TTC6: variants seen among roughly 807,000 people sequenced by gnomAD.
TTC6 encodes the protein tetratricopeptide repeat domain 6, also known as tetratricopeptide repeat protein 6.
In TTC6, 172 loss-of-function variants were observed where a neutral mutation model predicts 210.4. The ratio of observed to expected loss-of-function variants is 0.82; its 90% confidence interval spans 0.72 to 0.93. TTC6 has a LOEUF of 0.93. Ranked by LOEUF, TTC6 falls within the 40% of genes least tolerant of loss-of-function variation. The pLI is 0.00. For missense variants in TTC6, 2,414 were observed against 2,318.1 expected (o/e 1.04, Z -0.85); for synonymous variants, 804 against 819.6 (o/e 0.98, Z 0.32).
chr14:37,833,662 A>G (rs959563868), intron 29 of TTC6, among the ~76,000 whole-genome samples: 1 of 151,948 alleles, frequency 6.6e-6, no homozygotes, highest in African/African-American at 2.4e-5. Flanking sequence ...ATTGTTTTCT[A>G]TATTTGTTCC....
exon 31 of TTC6, chr14:37,842,157 C>G: frequency 6.5e-7 from 1 of 1,543,252 alleles, no homozygotes; most frequent in African/African-American, 1.4e-5. Flanking sequence ...TTTTGCAGCC[C>G]TGTCTTTGAA....
chr14:37,796,351 A>G, exon 19 of TTC6: 1 of 1,229,384 alleles, frequency 8.1e-7, no homozygotes, highest in Non-Finnish European at 1.2e-6. Context: ...CTATTTATCA[A>G]ATAGCAGAAA....
chr14:37,666,933 A>C (rs2095749341), intron 1 of TTC6, among the ~76,000 whole-genome samples: 1 of 150,502 alleles, frequency 6.6e-6, no homozygotes, highest in African/African-American at 2.4e-5. Context: ...ATGGTGGTAT[A>C]AAAGTAAATA....
chr14:37,773,425 A>G lies in TTC6; in HGVS notation c.3267-14043A>G, dbSNP rs574912391. ...ATTTTGCATTTAAGTTTTTATCTTG[A>G]GTTGATTTTTGTATATACTGTAAGG... On this transcript the variant is annotated intron_variant, in intron 14 of 30. Transcript: ENST00000553443. 1.2e-4 allele frequency among the ~76,000 whole-genome samples: 18 copies of G among 152,172 alleles called. 1 individual carries two copies. In the South Asian group the frequency reaches 3.5e-3, roughly 30 times the overall value.
At chr14:37,716,091 G>A (rs527399375) in intron 6 of TTC6, among the ~76,000 whole-genome samples, 2 of 152,134 alleles carry the variant, frequency 1.3e-5, no homozygotes, top group Admixed American at 6.5e-5. Flanking sequence ...AGGGAGGTGA[G>A]ATTTCTACGT....
rs796953887 is a variant in TTC6, at chr14:37,613,129, G to T, written c.-155+6387G>T. ...TTTTGAGGATTCTCTTAATCAGATT[G>T]AGGATGTTCTCTATGATTCACAGTT... On this transcript the variant is annotated intron_variant, in intron 2 of 2. Coordinates refer to the TTC6 transcript ENST00000556845. Among the ~76,000 whole-genome samples, 4 of 152,154 alleles carry T rather than the reference G, an allele frequency of 2.6e-5. No homozygotes were observed. In the East Asian group the frequency reaches 7.7e-4, roughly 29 times the overall value.
chr14:37,749,631 C>G, intron 11 of TTC6, 83 bp from the exon 14 acceptor site: 1 of 1,108,712 alleles, frequency 9.0e-7, no homozygotes, highest in Non-Finnish European at 1.2e-6. Context: ...CCACTGGGAT[C>G]AACCGTGTTT....
chr14:37,735,784 T>C (rs2095899984), intron 7 of TTC6, 137 bp from the exon 10 acceptor site: 12 of 563,282 alleles, frequency 2.1e-5, no homozygotes, highest in Non-Finnish European at 3.3e-5. Context: ...GGTAAGTGTT[T>C]TCTAGAATTA....
At chr14:37,667,404 G>C (rs762465911) in intron 1 of TTC6, among the ~76,000 whole-genome samples, 1 of 150,482 alleles carries the variant, frequency 6.6e-6, no homozygotes, top group African/African-American at 2.4e-5. Flanking sequence ...AGATGGAATC[G>C]CACCCTTTCC....
rs891774145 is a variant in TTC6 at position 37,732,682 on chromosome 14, A to G, written c.1819-3239A>G. The stretch of plus-strand genomic sequence containing the variant: ...CGCCCAGGCTAGAGTGCAGTGGCAC[A>G]ATCTCGGCTCACTGCAAGCTCCGCC... On this transcript the variant is annotated intron_variant, in intron 7 of 30. Transcript: ENST00000553443. Among the ~76,000 whole-genome samples the G allele has an allele frequency of 4.6e-5, 7 of 151,468 alleles. 1 individual carries two copies. The highest frequency in any genetic ancestry group is 4.2e-4 in the South Asian group (2 of 4,774).
chr14:37,749,263 A>G, exon 11 of TTC6: 1 of 1,527,106 alleles, frequency 6.5e-7, no homozygotes, highest in Non-Finnish European at 8.8e-7. Flanking sequence ...AGGTCATTAA[A>G]TATTATGAAT....
At chr14:37,809,157 T>C (rs1474636745) in intron 24 of TTC6, among the ~76,000 whole-genome samples, 1 of 152,138 alleles carries the variant, frequency 6.6e-6, no homozygotes, top group Non-Finnish European at 1.5e-5. Context: ...AAAATTAAGT[T>C]GATAATGCTT....
At chr14:37,687,964 T>C (rs1413885978) in intron 3 of TTC6, among the ~76,000 whole-genome samples, 1 of 152,092 alleles carries the variant, frequency 6.6e-6, no homozygotes, top group Non-Finnish European at 1.5e-5. Context: ...AGCTTGGCTA[T>C]AGGGGAGTAG....
At chr14:37,822,939 A>G (rs1043835810) in intron 26 of TTC6, among the ~76,000 whole-genome samples, 3 of 152,250 alleles carry the variant, frequency 2.0e-5, no homozygotes, top group African/African-American at 7.2e-5. Flanking sequence ...GAAATACCAT[A>G]TGTTAAGTAT....
chr14:37,761,567 A>G (rs1476499667), intron 14 of TTC6, among the ~76,000 whole-genome samples: 6 of 152,102 alleles, frequency 3.9e-5, no homozygotes, highest in Non-Finnish European at 7.4e-5. Flanking sequence ...TGTAACCATC[A>G]TCAGGTCATT....
chr14:37,675,869 A>G (rs2095768108), intron 1 of TTC6, among the ~76,000 whole-genome samples: 1 of 150,332 alleles, frequency 6.7e-6, no homozygotes, highest in Non-Finnish European at 1.5e-5. Context: ...TGGCTTTTGT[A>G]TATCTTCTTT....
intron 6 of TTC6, among the ~76,000 whole-genome samples, chr14:37,716,654 A>G (rs1397647710): frequency 6.6e-6 from 1 of 152,160 alleles, no homozygotes; most frequent in African/African-American, 2.4e-5. Flanking sequence ...AAATATATGC[A>G]TCAGACAATA....
intron 5 of TTC6, among the ~76,000 whole-genome samples, chr14:37,707,419 C>T (rs28538422): frequency 0.17 from 26,350 of 151,856 alleles, 2,745 homozygotes; most frequent in African/African-American, 0.27. Context: ...TATCTTTCCT[C>T]TATATTTATC....
chr14:37,642,370 G>A (rs1208714514), intron 1 of TTC6, among the ~76,000 whole-genome samples: 1 of 152,160 alleles, frequency 6.6e-6, no homozygotes, highest in Non-Finnish European at 1.5e-5. Flanking sequence ...TCCGCAGGTG[G>A]TGGTGACATT....
Sources: allele counts gnomAD v4.1 joint callset (sites outside exome capture counted in the v4.1 genomes callset), GRCh38; gene constraint gnomAD v4.1.1; transcripts MANE v1.5; gene names NCBI Gene and HGNC (gene_info 2026-07-23, HGNC 2026-07-21).